Variants in ZFYVE21 observed in about 807,000 individuals in gnomAD.
ZFYVE21 encodes zinc finger FYVE-type containing 21, also known as zinc finger FYVE domain-containing protein 21.
Under a neutral mutation model 29.5 loss-of-function variants are expected in ZFYVE21, and 21 were observed. The observed-to-expected ratio is 0.71, with a 90% confidence interval of 0.50 to 1.02. The LOEUF (loss-of-function observed/expected upper bound fraction) is 1.02. Ranked by LOEUF, ZFYVE21 falls within the 50% of genes least tolerant of loss-of-function variation. The pLI is 0.00. For missense variants in ZFYVE21, 326 were observed against 335.4 expected (o/e 0.97, Z 0.22); for synonymous variants, 151 against 133.8 (o/e 1.13, Z -0.89).
chr14:103,718,128 G>T (rs1393510571), intron 1 of ZFYVE21, among the ~76,000 whole-genome samples: 1 of 152,216 alleles, frequency 6.6e-6, no homozygotes, highest in African/African-American at 2.4e-5. Flanking sequence ...AGGTTTATTT[G>T]AGGTGGTTTG....
At chr14:103,725,230 G>A (rs1172727638) in intron 1 of ZFYVE21, 1 of 152,380 alleles carries the variant, frequency 6.6e-6, no homozygotes, top group Non-Finnish European at 1.5e-5. Context: ...GCCAGGCCAG[G>A]CCTTCCCAGC....
intron 3 of ZFYVE21, 160 bp from the exon 4 acceptor site, chr14:103,728,748 C>T (rs776304280): frequency 1.5e-6 from 1 of 679,644 alleles, no homozygotes; most frequent in East Asian, 2.7e-5. Flanking sequence ...CCATGACTGC[C>T]TTTTTGCTCA....
At chr14:103,722,263 T>C (rs1304722726) in intron 1 of ZFYVE21, among the ~76,000 whole-genome samples, 3 of 152,140 alleles carry the variant, frequency 2.0e-5, no homozygotes, top group African/African-American at 4.8e-5. Context: ...TAAAAGCCTA[T>C]ACATCTAAGC....
chr14:103,727,814 C>T lies in ZFYVE21; in HGVS notation c.258C>T (p.Arg86=). The part of the protein sequence containing the change: ...RCCSQKVPLR[R]MCFVDPVRQC... ...GCAGCCAGAAGGTGCCGCTGCGGCG[C>T]ATGTGCTTTGTGGACCCCGTGCGGC... is the stretch of plus-strand genomic sequence containing the variant. The change falls in exon 3 of 7, where the codon CGC becomes CGT. Residue 86 remains arginine (R), a synonymous_variant. Transcript: ENST00000311141. The T allele has an allele frequency of 6.2e-7, 1 of 1,613,072 alleles. No homozygotes were observed. The highest frequency in any genetic ancestry group is 8.5e-7 in the Non-Finnish European group (1 of 1,179,926).
chr14:103,721,852 GT>G (rs1567068940), intron 1 of ZFYVE21, among the ~76,000 whole-genome samples: 1 of 152,262 alleles, frequency 6.6e-6, no homozygotes, highest in Non-Finnish European at 1.5e-5. Context: ...GAATGTGCTG[GT>G]TTGAAAGTCT....
intron 5 of ZFYVE21, chr14:103,729,401 G>A: frequency 1.7e-6 from 1 of 583,860 alleles, no homozygotes. Context: ...GACAACAAAG[G>A]GACATTTGCC....
rs36209111 is a variant in ZFYVE21 at position 103,717,203 on chromosome 14, C to G, written c.138+1224C>G. Among the ~76,000 whole-genome samples, 333 of 152,266 alleles carry G rather than the reference C, an allele frequency of 2.2e-3. 1 individual carries two copies. Among genetic ancestry groups the G allele is most frequent in the Non-Finnish European group, 3.6e-3 (245 of 68,030 alleles). Reference sequence around the variant, plus strand: ...CTGAGCGTGTCCTGGAGAGTTGAGACCAGTGCTGCCCACCTCTCCCCAGTA... The same window carrying G: ...CTGAGCGTGTCCTGGAGAGTTGAGAGCAGTGCTGCCCACCTCTCCCCAGTA... On this transcript the variant is annotated intron_variant, in intron 1 of 6. Coordinates refer to ENST00000311141, the MANE Select transcript of ZFYVE21 (RefSeq NM_024071.4).
intron 3 of ZFYVE21, 162 bp from the exon 4 acceptor site, chr14:103,728,746 G>T: frequency 1.5e-6 from 1 of 663,184 alleles, no homozygotes; most frequent in South Asian, 1.9e-5. Context: ...ATCCATGACT[G>T]CCTTTTTGCT....
rs756943345 is a variant in ZFYVE21, at chr14:103,732,659, C to A, written c.566C>A (p.Thr189Lys). 6.2e-7 allele frequency: 1 copy of A among 1,610,358 alleles called. No individual in the cohort carries two copies. Among genetic ancestry groups the A allele is most frequent in the Admixed American group, 1.7e-5 (1 of 58,650 alleles). Residue 189 changes from threonine to lysine, a missense_variant, in exon 6 of 7, where the codon ACA becomes AAA. By Grantham distance (78) the Thr-to-Lys change is moderately conservative. Transcript: ENST00000311141. ...GCCACAGGCATGTTCCTGCAGTATA[C>A]AGTGCCGGGGACGGAGGGTGTGACC... ...ARATGMFLQY[T>K]VPGTEGVTQL...
At chr14:103,730,087 T>C in intron 5 of ZFYVE21, 2 of 543,210 alleles carry the variant, frequency 3.7e-6, no homozygotes, top group South Asian at 4.8e-5. Flanking sequence ...TACCCAGCAA[T>C]TGACAGCTCT....
intron 2 of ZFYVE21, chr14:103,727,364 C>T (rs2083937448): frequency 2.8e-6 from 1 of 357,608 alleles, no homozygotes; most frequent in Non-Finnish European, 5.5e-6. Context: ...CCACCTGCCC[C>T]CCGCCCCCTC....
chr14:103,717,040 A>G (rs1595686526), intron 1 of ZFYVE21, among the ~76,000 whole-genome samples: 2 of 152,202 alleles, frequency 1.3e-5, no homozygotes, highest in South Asian at 4.1e-4. Flanking sequence ...AGTAGCACTA[A>G]TTGACTGGGT....
chr14:103,718,520 G>A (rs1178718762), intron 1 of ZFYVE21, among the ~76,000 whole-genome samples: 1 of 152,248 alleles, frequency 6.6e-6, no homozygotes, highest in Non-Finnish European at 1.5e-5. Context: ...CTGTGGGGCA[G>A]GGGAGGCAGA....
At chr14:103,729,240 C>A in intron 5 of ZFYVE21, 58 bp downstream of exon 5, 1 of 1,571,750 alleles carries the variant, frequency 6.4e-7, no homozygotes, top group Non-Finnish European at 8.7e-7. Flanking sequence ...GCGTGGGTGA[C>A]AAGAGGAGCA....
chr14:103,728,112 A>G lies in ZFYVE21; in HGVS notation c.358+198A>G, dbSNP rs184220398. On this transcript the variant is annotated intron_variant, in intron 3 of 6. Transcript: ENST00000311141. ...TCTTTTCAGAGGCGGAATGTCGTCTAAAATGTTGGTGCTGACTCCGCTGGG... is the reference window on the plus strand; with the variant it reads ...TCTTTTCAGAGGCGGAATGTCGTCTGAAATGTTGGTGCTGACTCCGCTGGG... 73 of 594,406 alleles carry G rather than the reference A, an allele frequency of 1.2e-4. No homozygotes were observed. In the Middle Eastern group the frequency reaches 2.8e-3, roughly 23 times the overall value. 36.8% of individuals were successfully genotyped at this position (594,406 alleles called of 1,614,324 possible). A position where few individuals can be genotyped will look rare whatever the true frequency, so the allele number is the denominator to read the frequency against.
chr14:103,722,909 C>T (rs920055405), intron 1 of ZFYVE21, among the ~76,000 whole-genome samples: 1 of 152,002 alleles, frequency 6.6e-6, no homozygotes, highest in South Asian at 2.1e-4. Context: ...CTCAGCCTCC[C>T]AAAGTGCTGG....
chr14:103,732,372 G>T (rs542791533), intron 5 of ZFYVE21: 3 of 391,954 alleles, frequency 7.7e-6, no homozygotes, highest in African/African-American at 5.3e-5. Flanking sequence ...CTTGTTGTTT[G>T]TCCCGGGCCC....
rs974957551 is a variant in ZFYVE21 at position 103,733,170 on chromosome 14, C to T, written c.*152C>T. ...GTATTTGGAGAAACAGGAGTGTTCA[C>T]TTATCTAGTGCAATATGTTCACAGT... is the stretch of plus-strand genomic sequence containing the variant. On this transcript the variant is annotated 3_prime_UTR_variant, in exon 7 of 7. Coordinates refer to ENST00000311141, the MANE Select transcript of ZFYVE21 (RefSeq NM_024071.4). 1.4e-5 allele frequency: 13 copies of T among 931,466 alleles called. No homozygotes were observed. The highest frequency in any genetic ancestry group is 2.1e-5 in the Non-Finnish European group (13 of 607,018). 57.7% of individuals were successfully genotyped at this position (931,466 alleles called of 1,614,324 possible). A position where few individuals can be genotyped will look rare whatever the true frequency, so the allele number is the denominator to read the frequency against.
At chr14:103,728,151 T>G (rs2083945775) in intron 3 of ZFYVE21, 1 of 455,446 alleles carries the variant, frequency 2.2e-6, no homozygotes, top group Non-Finnish European at 3.8e-6. Flanking sequence ...GTCCATCAGG[T>G]GGGAGGGGAG....
Sources: allele counts gnomAD v4.1 joint callset (sites outside exome capture counted in the v4.1 genomes callset), GRCh38; gene constraint gnomAD v4.1.1; transcripts MANE v1.5; gene names NCBI Gene and HGNC (gene_info 2026-07-23, HGNC 2026-07-21).